Variants in CRYBG1 observed in about 807,000 individuals in gnomAD.
The protein encoded by CRYBG1 is beta/gamma crystallin domain-containing protein 1.
In CRYBG1, 139 loss-of-function variants were observed where a neutral mutation model predicts 189.2. That is an observed-to-expected ratio of 0.73 (90% CI 0.64 to 0.85). The LOEUF (loss-of-function observed/expected upper bound fraction) is 0.85. Ranked by LOEUF, CRYBG1 falls within the 40% of genes least tolerant of loss-of-function variation. CRYBG1 has a pLI of 0.00. For synonymous variants in CRYBG1, 1,023 were observed against 1,017.1 expected (o/e 1.01, Z -0.11); for missense variants, 2,611 against 2,675.8 (o/e 0.98, Z 0.53).
At chr6:106,497,250 A>G (rs9480678) in intron 2 of CRYBG1, among the ~76,000 whole-genome samples, 103,570 of 151,994 alleles carry the variant, frequency 0.68, 35,955 homozygotes, top group African/African-American at 0.82. Context: ...GTCTTCCTGA[A>G]GGTAGAAAGA....
chr6:106,544,359 C>T (rs1406845515), intron 11 of CRYBG1, among the ~76,000 whole-genome samples: 1 of 152,038 alleles, frequency 6.6e-6, no homozygotes, highest in African/African-American at 2.4e-5. Context: ...CTCCCCTTCC[C>T]TTTTTTATAC....
chr6:106,498,606 C>T (rs562210577), intron 2 of CRYBG1, among the ~76,000 whole-genome samples: 6 of 152,082 alleles, frequency 3.9e-5, no homozygotes, highest in Non-Finnish European at 8.8e-5. Flanking sequence ...ATATTAATAT[C>T]GGTCACACCT....
chr6:106,515,722 G>T (rs1323229888), intron 3 of CRYBG1, among the ~76,000 whole-genome samples: 2 of 151,904 alleles, frequency 1.3e-5, no homozygotes, highest in Non-Finnish European at 2.9e-5. Flanking sequence ...ATTGGGGAAA[G>T]CAATGCCTGG....
intron 8 of CRYBG1, among the ~76,000 whole-genome samples, chr6:106,537,871 G>C: frequency 6.6e-6 from 1 of 152,120 alleles, no homozygotes; most frequent in East Asian, 1.9e-4. Context: ...TAGGAGCCTG[G>C]TTGTAAATCT....
intron 9 of CRYBG1, among the ~76,000 whole-genome samples, chr6:106,539,996 T>A (rs181712522): frequency 3.1e-4 from 47 of 152,216 alleles, no homozygotes; most frequent in Middle Eastern, 3.4e-3. Flanking sequence ...ATGCACTGTG[T>A]GAGCTAGGGT....
intron 4 of CRYBG1, among the ~76,000 whole-genome samples, chr6:106,522,809 G>A (rs184229296): frequency 2.0e-5 from 3 of 152,318 alleles, no homozygotes; most frequent in Admixed American, 2.0e-4. Context: ...AGAATGTGAT[G>A]TTGCAAGCTC....
intron 2 of CRYBG1, among the ~76,000 whole-genome samples, chr6:106,501,316 C>CA (rs1287278122): frequency 2.6e-5 from 4 of 151,854 alleles, no homozygotes; most frequent in African/African-American, 7.2e-5. Context: ...TTATGAGCTG[C>CA]AAAAAAGAGA....
At chr6:106,388,922 G>A (rs1004805560) in intron 1 of CRYBG1, among the ~76,000 whole-genome samples, 3 of 152,148 alleles carry the variant, frequency 2.0e-5, no homozygotes, top group South Asian at 2.1e-4. Flanking sequence ...ATGATAGCTA[G>A]GACTATTTTG....
intron 1 of CRYBG1, among the ~76,000 whole-genome samples, chr6:106,425,227 G>A (rs1771203510): frequency 6.6e-6 from 1 of 152,034 alleles, no homozygotes; most frequent in African/African-American, 2.4e-5. Flanking sequence ...ATTCAATGAG[G>A]AGTAACACCT....
intron 8 of CRYBG1, among the ~76,000 whole-genome samples, chr6:106,537,347 G>T (rs1562109877): frequency 6.6e-6 from 1 of 152,132 alleles, no homozygotes; most frequent in Non-Finnish European, 1.5e-5. Flanking sequence ...GACCTGCTTG[G>T]TTAGCCTAAT....
chr6:106,525,984 A>G (rs1353558010), intron 6 of CRYBG1, among the ~76,000 whole-genome samples: 1 of 152,224 alleles, frequency 6.6e-6, no homozygotes, highest in Non-Finnish European at 1.5e-5. Flanking sequence ...GGTGAAAAAA[A>G]TAAATATTTT....
In CRYBG1 at chr6:106,484,414, CT is replaced by C. The variant is rs112481325; in HGVS notation, c.313-27015del. 3.6e-3 allele frequency among the ~76,000 whole-genome samples: 544 copies of C among 152,224 alleles called. 3 individuals are homozygous for C. Among genetic ancestry groups the C allele is most frequent in the South Asian group, 0.012 (59 of 4,822 alleles). On this transcript the variant is annotated intron_variant, in intron 2 of 21. Transcript: ENST00000633556. ...GCTCAAGCAATCCTCCAGCCTCAGCCTCAAGCAATCCTCCAACCTCAGCCTC... is the reference window on the plus strand; with the variant it reads ...GCTCAAGCAATCCTCCAGCCTCAGCCCAAGCAATCCTCCAACCTCAGCCTC...
At chr6:106,405,463 C>A (rs1451487983) in intron 1 of CRYBG1, among the ~76,000 whole-genome samples, 1 of 152,210 alleles carries the variant, frequency 6.6e-6, no homozygotes, top group Non-Finnish European at 1.5e-5. Context: ...GCAGCTTCAG[C>A]AGACTTAAAC....
intron 1 of CRYBG1, among the ~76,000 whole-genome samples, chr6:106,438,058 A>G (rs1485219725): frequency 6.6e-6 from 1 of 151,982 alleles, no homozygotes; most frequent in Non-Finnish European, 1.5e-5. Flanking sequence ...TTTAAAGGGC[A>G]TGTACATCTT....
At chr6:106,421,493 C>T (rs1194244000) in intron 1 of CRYBG1, among the ~76,000 whole-genome samples, 3 of 152,068 alleles carry the variant, frequency 2.0e-5, no homozygotes, top group African/African-American at 7.2e-5. Flanking sequence ...TCTGGATACT[C>T]TCTTTAGGAA....
chr6:106,553,955 G>GA (rs1342776627), intron 16 of CRYBG1, among the ~76,000 whole-genome samples: 1 of 152,158 alleles, frequency 6.6e-6, no homozygotes, highest in Non-Finnish European at 1.5e-5. Flanking sequence ...GTGGACACGC[G>GA]AATCAGGGAG....
At chr6:106,414,120 C>T (rs554184163) in intron 1 of CRYBG1, among the ~76,000 whole-genome samples, 1 of 152,320 alleles carries the variant, frequency 6.6e-6, no homozygotes, top group East Asian at 1.9e-4. Context: ...TTCCACCTGA[C>T]AAGAATTTCT....
chr6:106,501,853 G>A (rs1440631980), intron 2 of CRYBG1, among the ~76,000 whole-genome samples: 1 of 152,196 alleles, frequency 6.6e-6, no homozygotes, highest in African/African-American at 2.4e-5. Flanking sequence ...GATAAAGATT[G>A]TTCCATTTTC....
chr6:106,524,709 T>A lies in CRYBG1; in HGVS notation c.4246-424T>A, dbSNP rs190106093. Among the ~76,000 whole-genome samples the A allele has an allele frequency of 3.6e-3, 552 of 152,348 alleles. 3 individuals are homozygous for A. Among genetic ancestry groups the A allele is most frequent in the African/African-American group, 0.012 (503 of 41,578 alleles). ...AAAACAATATTTATATGGATTCAGA[T>A]AGGGTATGTATATGAACACAAAATT... On this transcript the variant is annotated intron_variant, in intron 4 of 21. Coordinates refer to ENST00000633556, the MANE Select transcript of CRYBG1 (RefSeq NM_001371242.2).
Sources: gnomAD v4.1 joint callset for allele counts (sites outside exome capture counted in the v4.1 genomes callset) on GRCh38, gnomAD v4.1.1 for gene constraint, MANE v1.5 for transcripts, NCBI Gene and HGNC (gene_info 2026-07-23, HGNC 2026-07-21) for gene names.